The following SLC24A2 variants were observed in gnomAD, a reference collection of about 807,000 sequenced individuals.
SLC24A2 encodes sodium/potassium/calcium exchanger 2.
Under a neutral mutation model 62.0 loss-of-function variants are expected in SLC24A2, and 36 were observed. The ratio of observed to expected loss-of-function variants is 0.58; its 90% CI spans 0.44 to 0.77. The LOEUF (loss-of-function observed/expected upper bound fraction) is 0.77. Among genes scored for constraint, SLC24A2 ranks in the 30% least tolerant of loss-of-function variants. The pLI, the probability that SLC24A2 is intolerant of heterozygous loss-of-function variation, is 0.00. For missense variants in SLC24A2, 846 were observed against 817.9 expected, an observed-to-expected ratio of 1.03 and a Z score of -0.42; for synonymous variants, 358 against 294.0, an observed-to-expected ratio of 1.22 and a Z score of -2.23.
intron 8 of SLC24A2, among the ~76,000 whole-genome samples, chr9:19,539,548 GA>G (rs1298436027): frequency 1.5e-5 from 2 of 130,538 alleles, no homozygotes; most frequent in Non-Finnish European, 3.2e-5. Flanking sequence ...GTTCTAGTTT[GA>G]TTGCACTGTG....
At chr9:20,215,162 C>T in the SLC24A2 span, among the ~76,000 whole-genome samples, 1 of 152,210 alleles carries the variant, frequency 6.6e-6, no homozygotes, top group African/African-American at 2.4e-5. Flanking sequence ...TGCCTTCTCA[C>T]TGTGTCCTCA....
chr9:20,298,712 A>C, the SLC24A2 span, among the ~76,000 whole-genome samples: 1 of 152,230 alleles, frequency 6.6e-6, no homozygotes, highest in Non-Finnish European at 1.5e-5. Flanking sequence ...TGTATGTACT[A>C]AGTCATTTAA....
the SLC24A2 span, among the ~76,000 whole-genome samples, chr9:20,259,167 C>G: frequency 6.6e-6 from 1 of 152,254 alleles, no homozygotes; most frequent in South Asian, 2.1e-4. Flanking sequence ...AAAACAGATT[C>G]TCCCCTAGAG....
intron 4 of SLC24A2, among the ~76,000 whole-genome samples, chr9:19,611,456 G>T (rs1054912279): frequency 1.3e-5 from 2 of 151,482 alleles, no homozygotes; most frequent in African/African-American, 4.9e-5. Context: ...GAGAAGAGAG[G>T]ATAGGAGGAA....
At chr9:19,694,994 C>T (rs1393706469) in intron 2 of SLC24A2, among the ~76,000 whole-genome samples, 2 of 141,112 alleles carry the variant, frequency 1.4e-5, no homozygotes, top group Non-Finnish European at 3.0e-5. Flanking sequence ...GAGAGAAGGC[C>T]GTTGGGGATT....
chr9:19,902,031 G>A, the SLC24A2 span, among the ~76,000 whole-genome samples: 1 of 152,324 alleles, frequency 6.6e-6, no homozygotes, highest in South Asian at 2.1e-4. Context: ...CATTCTTTAA[G>A]GGTAGGGTGC....
the SLC24A2 span, among the ~76,000 whole-genome samples, chr9:19,935,632 C>T: frequency 2.0e-5 from 3 of 152,162 alleles, no homozygotes; most frequent in Non-Finnish European, 2.9e-5. Flanking sequence ...CTGTCCAAAG[C>T]GTGGCTGGTG....
the SLC24A2 span, among the ~76,000 whole-genome samples, chr9:20,007,436 A>G: frequency 1.3e-5 from 2 of 152,126 alleles, no homozygotes; most frequent in Admixed American, 1.3e-4. Context: ...TATGCGCCCC[A>G]TGTTTTCTAA....
the SLC24A2 span, among the ~76,000 whole-genome samples, chr9:20,142,912 G>T: frequency 6.6e-6 from 1 of 152,030 alleles, no homozygotes; most frequent in African/African-American, 2.4e-5. Context: ...TGTCTTATAC[G>T]ACCTGAAGAA....
the SLC24A2 span, among the ~76,000 whole-genome samples, chr9:19,980,344 A>C: frequency 9.8e-5 from 15 of 152,310 alleles, no homozygotes; most frequent in African/African-American, 3.6e-4. Context: ...TTTAGGTTAA[A>C]GAAATACCAG....
intron 2 of SLC24A2, among the ~76,000 whole-genome samples, chr9:19,631,471 G>C (rs905564607): frequency 8.5e-5 from 13 of 152,054 alleles, no homozygotes; most frequent in African/African-American, 3.1e-4. Context: ...ATTTCACAAC[G>C]CTCCCAACTG....
At chr9:19,557,180 T>TAAA (rs1480845321) in intron 7 of SLC24A2, among the ~76,000 whole-genome samples, 1 of 152,188 alleles carries the variant, frequency 6.6e-6, no homozygotes, top group African/African-American at 2.4e-5. Context: ...TCCTCAGTTC[T>TAAA]AAAAATAGAT....
chr9:19,940,371 T>C, the SLC24A2 span, among the ~76,000 whole-genome samples: 1 of 152,338 alleles, frequency 6.6e-6, no homozygotes, highest in South Asian at 2.1e-4. Context: ...AGGTGAACAT[T>C]TGAAGCCTTA....
the SLC24A2 span, among the ~76,000 whole-genome samples, chr9:19,952,028 T>G: frequency 6.6e-6 from 1 of 152,124 alleles, no homozygotes; most frequent in Non-Finnish European, 1.5e-5. Context: ...TAGTTAAGTG[T>G]GCAAGTCTTG....
At position 19,573,418 on chromosome 9, in the gene SLC24A2, G is replaced by C. The variant is rs1835899511; in HGVS notation, c.1280C>G (p.Ser427Cys). Reference protein sequence around the residue: ...STSTDVEMTPSSDASEPVQNG... With the variant: ...STSTDVEMTPCSDASEPVQNG... Reference sequence around the variant, plus strand: ...TTGTACAGGTTCTGAAGCATCACTGGATGGTGTCATTTCAACATCTGTGCT... The same window carrying C: ...TTGTACAGGTTCTGAAGCATCACTGCATGGTGTCATTTCAACATCTGTGCT... The change falls in exon 7 of 11, where the codon TCC becomes TGC. Residue 427 changes from serine (S) to cysteine (C), a missense_variant. Coordinates refer to ENST00000341998, the MANE Select transcript of SLC24A2 (RefSeq NM_020344.4). 6.2e-7 allele frequency: 1 copy of C among 1,612,848 alleles called. No individual in the cohort carries two copies. The highest frequency in any genetic ancestry group is 1.1e-5 in the South Asian group (1 of 91,054).
intron 2 of SLC24A2, among the ~76,000 whole-genome samples, chr9:19,643,969 T>C (rs915617660): frequency 6.6e-6 from 1 of 152,256 alleles, no homozygotes; most frequent in African/African-American, 2.4e-5. Context: ...TTGAAATTTC[T>C]CTTATTTGTA....
At chr9:19,879,311 A>T in the SLC24A2 span, among the ~76,000 whole-genome samples, 15 of 152,294 alleles carry the variant, frequency 9.8e-5, no homozygotes, top group East Asian at 2.9e-3. Flanking sequence ...GTTAATTTGT[A>T]TGCAGTCTGC....
intron 2 of SLC24A2, among the ~76,000 whole-genome samples, chr9:19,694,088 G>C: frequency 7.6e-6 from 1 of 131,850 alleles, no homozygotes; most frequent in East Asian, 2.0e-4. Context: ...TGGTTAACTA[G>C]GATTCTCTAA....
chr9:19,902,824 T>C, the SLC24A2 span, among the ~76,000 whole-genome samples: 71,761 of 151,966 alleles, frequency 0.47, 17,877 homozygotes, highest in Non-Finnish European at 0.55. Context: ...GAACTAACAC[T>C]TCTGAGATAT....
Sources: allele counts gnomAD v4.1 joint callset (sites outside exome capture counted in the v4.1 genomes callset), GRCh38; gene constraint gnomAD v4.1.1; transcripts MANE v1.5; gene names NCBI Gene and HGNC (gene_info 2026-07-23, HGNC 2026-07-21).